Variants in TMEM232 observed in about 807,000 individuals in gnomAD.
TMEM232 encodes transmembrane protein 232.
Under a neutral mutation model 78.8 loss-of-function variants are expected in TMEM232, and 80 were observed. The observed-to-expected ratio is 1.01, with a 90% CI of 0.85 to 1.22. The LOEUF is 1.22. Ranked by LOEUF, TMEM232 falls within the 50% of genes most tolerant of loss-of-function variation. TMEM232 has a pLI of 0.00. For missense variants in TMEM232, 881 were observed against 742.2 expected (o/e 1.19, Z -2.17); for synonymous variants, 297 against 254.3 (o/e 1.17, Z -1.60).
intron 12 of TMEM232, among the ~76,000 whole-genome samples, chr5:110,482,762 G>A (rs1241652099): frequency 1.3e-5 from 2 of 151,594 alleles, no homozygotes; most frequent in East Asian, 3.9e-4. Context: ...ATTAGAAAAG[G>A]AACAACAAAA....
At chr5:110,674,663 A>G (rs921521386) in intron 1 of TMEM232, among the ~76,000 whole-genome samples, 1 of 152,236 alleles carries the variant, frequency 6.6e-6, no homozygotes, top group African/African-American at 2.4e-5. Context: ...TATATTGCTA[A>G]GACTAAAAAG....
chr5:110,627,222 T>C (rs1784525300), intron 6 of TMEM232, among the ~76,000 whole-genome samples: 1 of 152,064 alleles, frequency 6.6e-6, no homozygotes, highest in Admixed American at 6.6e-5. Context: ...ATAGCTTAGA[T>C]TCAGTGGATC....
intron 12 of TMEM232, among the ~76,000 whole-genome samples, chr5:110,505,775 G>A (rs1243033969): frequency 2.0e-5 from 3 of 152,194 alleles, no homozygotes; most frequent in African/African-American, 7.2e-5. Flanking sequence ...CTCCCAAAGT[G>A]TTGGGATTAC....
chr5:110,638,496 C>T (rs1265496829), intron 4 of TMEM232, 141 bp from the exon 5 acceptor site: 2 of 813,248 alleles, frequency 2.5e-6, no homozygotes, highest in Non-Finnish European at 3.8e-6. Context: ...CTCTTTGACA[C>T]CTTTCTCATC....
Position 110,605,299 on chromosome 5 carries a change from T to G in TMEM232, c.1086A>C (p.Thr362=). The G allele has an allele frequency of 6.4e-7, 1 of 1,551,404 alleles. No homozygotes were observed. Reference sequence around the variant, plus strand: ...ACAAGCAGATTTCTGCAAGAATTACTGTATATATGTAGACTACATTCCAGG... The same window carrying G: ...ACAAGCAGATTTCTGCAAGAATTACGGTATATATGTAGACTACATTCCAGG... ...SWAWNVVYIY[T]VILAEICLYA... is the part of the protein sequence containing the mutation. The change falls in exon 10 of 14, where the codon ACA becomes ACC. Residue 362 remains threonine, a synonymous_variant. Coordinates refer to ENST00000455884, the MANE Select transcript of TMEM232 (RefSeq NM_001039763.4).
chr5:110,398,166 G>A (rs540073334), intron 2 of TMEM232, among the ~76,000 whole-genome samples: 1 of 152,098 alleles, frequency 6.6e-6, no homozygotes, highest in Non-Finnish European at 1.5e-5. Flanking sequence ...GTTCTCACCT[G>A]TGTATATCCT....
intron 3 of TMEM232, among the ~76,000 whole-genome samples, chr5:110,391,826 T>C (rs142822588): frequency 6.6e-6 from 1 of 152,142 alleles, no homozygotes; most frequent in Admixed American, 6.6e-5. Flanking sequence ...AACAGAAGAA[T>C]GAAAATTACT....
intron 12 of TMEM232, among the ~76,000 whole-genome samples, chr5:110,454,918 A>G (rs1407285580): frequency 6.6e-6 from 1 of 152,030 alleles, no homozygotes; most frequent in African/African-American, 2.4e-5. Flanking sequence ...AGATTAAAAA[A>G]AAAAAAGATA....
intron 3 of TMEM232, among the ~76,000 whole-genome samples, chr5:110,391,747 G>T (rs1755204700): frequency 6.6e-6 from 1 of 152,164 alleles, no homozygotes; most frequent in Non-Finnish European, 1.5e-5. Flanking sequence ...GGAAGAACGT[G>T]TCTTGACCAT....
At chr5:110,611,831 C>T (rs1364882937) in intron 8 of TMEM232, among the ~76,000 whole-genome samples, 1 of 152,006 alleles carries the variant, frequency 6.6e-6, no homozygotes, top group Non-Finnish European at 1.5e-5. Context: ...AATAAGAGCC[C>T]AAACCAAGGT....
intron 12 of TMEM232, among the ~76,000 whole-genome samples, chr5:110,467,335 C>T (rs1762193076): frequency 6.6e-6 from 1 of 152,182 alleles, no homozygotes; most frequent in Admixed American, 6.5e-5. Flanking sequence ...CAGGTAGGAG[C>T]CTCCTGGTAG....
intron 12 of TMEM232, among the ~76,000 whole-genome samples, chr5:110,473,612 C>T (rs1027317747): frequency 2.0e-4 from 30 of 150,908 alleles, no homozygotes; most frequent in Non-Finnish European, 3.4e-4. Flanking sequence ...AATTGAAGTA[C>T]CACATGATCT....
chr5:110,641,532 C>T (rs577359411), intron 3 of TMEM232, among the ~76,000 whole-genome samples: 8 of 152,202 alleles, frequency 5.3e-5, no homozygotes, highest in Admixed American at 1.3e-4. Context: ...CACCTCCTGG[C>T]ACCTGTCTGC....
intron 1 of TMEM232, among the ~76,000 whole-genome samples, chr5:110,718,991 G>T (rs1797303449): frequency 6.6e-6 from 1 of 151,998 alleles, no homozygotes; most frequent in African/African-American, 2.4e-5. Flanking sequence ...TGAGAAATGA[G>T]TTGTAAGGCG....
At chr5:110,611,845 G>A (rs1782323158) in intron 8 of TMEM232, among the ~76,000 whole-genome samples, 1 of 152,146 alleles carries the variant, frequency 6.6e-6, no homozygotes, top group East Asian at 1.9e-4. Flanking sequence ...CCAAGGTTAT[G>A]ACATTGGGAA....
intron 1 of TMEM232, among the ~76,000 whole-genome samples, chr5:110,672,642 TAAAC>T (rs985065348): frequency 6.6e-6 from 1 of 151,806 alleles, no homozygotes; most frequent in African/African-American, 2.4e-5. Context: ...ATAAAGTAAA[TAAAC>T]AAATAAACAA....
intron 8 of TMEM232, among the ~76,000 whole-genome samples, chr5:110,611,159 A>G (rs1782224185): frequency 6.6e-6 from 1 of 152,194 alleles, no homozygotes; most frequent in African/African-American, 2.4e-5. Flanking sequence ...TGTTATCAGA[A>G]CTCAAGATTA....
At chr5:110,430,341 A>C (rs1266446977) in intron 12 of TMEM232, among the ~76,000 whole-genome samples, 2 of 151,038 alleles carry the variant, frequency 1.3e-5, no homozygotes, top group Non-Finnish European at 3.0e-5. Context: ...ACCATCTCCA[A>C]TACTTAGACG....
At chr5:110,432,128 A>G (rs1757923099) in intron 12 of TMEM232, among the ~76,000 whole-genome samples, 2 of 151,778 alleles carry the variant, frequency 1.3e-5, no homozygotes, top group South Asian at 2.1e-4. Flanking sequence ...CAAGCAATCC[A>G]GAGAACTCTT....
Sources: gnomAD v4.1 joint callset for allele counts (sites outside exome capture counted in the v4.1 genomes callset) on GRCh38, gnomAD v4.1.1 for gene constraint, MANE v1.5 for transcripts, NCBI Gene and HGNC (gene_info 2026-07-23, HGNC 2026-07-21) for gene names.